The following NFASC variants were observed in gnomAD, a reference collection of about 807,000 sequenced individuals.
The protein encoded by NFASC is neurofascin homolog.
In NFASC, 43 loss-of-function variants were observed where a neutral mutation model predicts 147.5. The ratio of observed to expected loss-of-function variants is 0.29; its 90% CI spans 0.23 to 0.38. NFASC has a LOEUF of 0.38. Among genes scored for constraint, NFASC ranks in the 10% least tolerant of loss-of-function variants. NFASC has a pLI of 1.00. For synonymous variants in NFASC, 622 were observed against 665.5 expected (o/e 0.93, Z 1.01); for missense variants, 1,320 against 1,689.0 (o/e 0.78, Z 3.83).
rs1301974714 is a variant in NFASC, at chr1:204,954,070, C to T, written c.216-118C>T. The T allele has an allele frequency of 2.0e-5, 17 of 849,166 alleles. No homozygotes were observed. The highest frequency in any genetic ancestry group is 5.0e-5 in the African/African-American group (3 of 59,414). 52.6% of individuals were successfully genotyped at this position (849,166 alleles called of 1,614,324 possible). On this transcript the variant is annotated intron_variant, in intron 5 of 29. Transcript: ENST00000339876. The surrounding 1 kb of genome is among the most constrained non-coding windows in gnomAD (Gnocchi z 5.7). The stretch of plus-strand genomic sequence containing the variant: ...TGAGACCTGTTGGTATGGGGTGCCA[C>T]GATGGGACTGAGAGAGGGAATTTTG...
At chr1:204,907,497 A>G (rs1384990772) in intron 1 of NFASC, among the ~76,000 whole-genome samples, 2 of 152,224 alleles carry the variant, frequency 1.3e-5, no homozygotes, top group Non-Finnish European at 2.9e-5. Flanking sequence ...TAAGGCAGGC[A>G]TACATACCTT....
At chr1:204,905,613 T>G (rs549928326) in intron 1 of NFASC, among the ~76,000 whole-genome samples, 1 of 152,354 alleles carries the variant, frequency 6.6e-6, no homozygotes, top group Admixed American at 6.5e-5. Context: ...TCTTATCGTA[T>G]AGCATCCTAA....
chr1:204,927,749 C>T (rs2091872584), intron 2 of NFASC, among the ~76,000 whole-genome samples: 1 of 152,160 alleles, frequency 6.6e-6, no homozygotes, highest in South Asian at 2.1e-4. Context: ...TGACAGAGCC[C>T]CTGGAGACAG....
intron 2 of NFASC, among the ~76,000 whole-genome samples, chr1:204,942,634 TA>T (rs1383343380): frequency 6.8e-6 from 1 of 147,256 alleles, no homozygotes; most frequent in Non-Finnish European, 1.5e-5. Flanking sequence ...TTAAAAATAA[TA>T]AAGTAAAAAA....
intron 2 of NFASC, among the ~76,000 whole-genome samples, chr1:204,930,741 C>CA (rs35882120): frequency 1.3e-5 from 2 of 152,094 alleles, no homozygotes; most frequent in Admixed American, 6.5e-5. Context: ...AGGGCCTTGG[C>CA]AAAAAGGGAA....
chr1:205,012,132 G>A (rs1351574657), intron 28 of NFASC, among the ~76,000 whole-genome samples: 1 of 152,236 alleles, frequency 6.6e-6, no homozygotes, highest in Non-Finnish European at 1.5e-5. Flanking sequence ...TAGCGATACT[G>A]GAGGAAAAAT....
intron 17 of NFASC, among the ~76,000 whole-genome samples, chr1:204,978,425 C>G (rs186307448): frequency 3.3e-5 from 5 of 152,218 alleles, no homozygotes; most frequent in Non-Finnish European, 7.3e-5. Flanking sequence ...AGCCAAGTCT[C>G]CATCTCCTCC....
At chr1:204,996,107 A>G (rs2095841656) in intron 24 of NFASC, among the ~76,000 whole-genome samples, 1 of 152,100 alleles carries the variant, frequency 6.6e-6, no homozygotes, top group African/African-American at 2.4e-5. Context: ...AGCCCTTTCC[A>G]TGACCTTCTA....
At chr1:205,001,432 C>T (rs776793470) in intron 26 of NFASC, 146 bp downstream of exon 26, 39 of 634,510 alleles carry the variant, frequency 6.1e-5, no homozygotes, top group South Asian at 2.4e-4. Flanking sequence ...TTAATGAAAT[C>T]GATATGCACT....
chr1:204,898,111 G>A (rs2083754737), intron 1 of NFASC, among the ~76,000 whole-genome samples: 1 of 152,164 alleles, frequency 6.6e-6, no homozygotes, highest in Non-Finnish European at 1.5e-5. Flanking sequence ...TTGAACTCTT[G>A]GGTTCAAGCA....
At chr1:204,926,784 A>G (rs545408508) in intron 2 of NFASC, among the ~76,000 whole-genome samples, 4 of 151,958 alleles carry the variant, frequency 2.6e-5, no homozygotes, top group East Asian at 3.9e-4. Flanking sequence ...TATAAATTAT[A>G]GAATTCAGGC....
At chr1:204,944,497 T>A in intron 3 of NFASC, 91 bp downstream of exon 3, 3 of 978,632 alleles carry the variant, frequency 3.1e-6, no homozygotes, top group Non-Finnish European at 4.4e-6. Context: ...GTTCAGATAA[T>A]CCAAGGAGAT....
At chr1:204,949,675 C>T (rs1450459581) in intron 3 of NFASC, among the ~76,000 whole-genome samples, 2 of 152,246 alleles carry the variant, frequency 1.3e-5, no homozygotes, top group Non-Finnish European at 2.9e-5. Flanking sequence ...TGCCCCAGCA[C>T]TTGTCAGAAA....
At chr1:204,949,948 G>A (rs1017202919) in intron 3 of NFASC, among the ~76,000 whole-genome samples, 1 of 152,238 alleles carries the variant, frequency 6.6e-6, no homozygotes, top group Non-Finnish European at 1.5e-5. Flanking sequence ...CCATTGAGAA[G>A]CATGATTTCT....
Position 204,987,106 on chromosome 1 carries a change from A to G in NFASC, c.2471-312A>G, listed in dbSNP as rs2095631120. ...GAATGGCTCTGCCCAATTTCGAGGT[A>G]TCTTTGCAGAATCAGAGCCTAACAT... On this transcript the variant is annotated intron_variant, in intron 21 of 29. Transcript: ENST00000339876. The surrounding 1 kb of genome is among the most constrained non-coding windows in gnomAD (Gnocchi z 4.4). 1 of 387,560 alleles carries G rather than the reference A, an allele frequency of 2.6e-6. No homozygotes were observed. Among genetic ancestry groups the G allele is most frequent in the African/African-American group, 2.0e-5 (1 of 48,938 alleles). 24.0% of individuals were successfully genotyped at this position (387,560 alleles called of 1,614,324 possible).
chr1:205,003,728 T>G (rs185480854), intron 27 of NFASC, among the ~76,000 whole-genome samples: 1 of 152,354 alleles, frequency 6.6e-6, no homozygotes, highest in East Asian at 1.9e-4. Flanking sequence ...CATGAACTTC[T>G]GAATGTTGAC....
At chr1:204,891,248 G>A (rs2082330075) in intron 1 of NFASC, among the ~76,000 whole-genome samples, 1 of 152,154 alleles carries the variant, frequency 6.6e-6, no homozygotes, top group Admixed American at 6.5e-5. Flanking sequence ...GGCGAGGAGA[G>A]GATGAGCCAA....
intron 28 of NFASC, among the ~76,000 whole-genome samples, chr1:205,012,455 C>A (rs937476467): frequency 6.6e-6 from 1 of 152,214 alleles, no homozygotes; most frequent in African/African-American, 2.4e-5. Flanking sequence ...AAGGTGCAAA[C>A]AGTGGAGTGT....
intron 1 of NFASC, among the ~76,000 whole-genome samples, chr1:204,869,670 C>T (rs2077426783): frequency 1.3e-5 from 2 of 152,136 alleles, no homozygotes; most frequent in African/African-American, 2.4e-5. Flanking sequence ...GGCACAGTTT[C>T]CCGAGGCTCG....
Sources: allele counts gnomAD v4.1 joint callset (sites outside exome capture counted in the v4.1 genomes callset), GRCh38; gene constraint gnomAD v4.1.1; non-coding constraint Gnocchi (gnomAD v3.1); transcripts MANE v1.5; gene names NCBI Gene and HGNC (gene_info 2026-07-23, HGNC 2026-07-21).